Variants in KLHL1 observed in about 807,000 individuals in gnomAD.
KLHL1 encodes kelch like family member 1.
Under a neutral mutation model 77.7 loss-of-function variants are expected in KLHL1, and 47 were observed. The observed-to-expected ratio is 0.60, with a 90% CI of 0.48 to 0.77. The LOEUF (loss-of-function observed/expected upper bound fraction) is 0.77, where lower values mean the gene tolerates loss of function less well. Ranked by LOEUF, KLHL1 falls within the 30% of genes least tolerant of loss-of-function variation. The pLI, the probability that KLHL1 is intolerant of heterozygous loss-of-function variation, is 0.00. For synonymous variants in KLHL1, 360 were observed against 325.2 expected (o/e 1.11, Z -1.15); for missense variants, 925 against 910.8 (o/e 1.02, Z -0.20).
At chr13:69,838,474 T>C (rs1879117504) in intron 6 of KLHL1, among the ~76,000 whole-genome samples, 1 of 151,834 alleles carries the variant, frequency 6.6e-6, no homozygotes, top group African/African-American at 2.4e-5. Context: ...TTTAAACAAA[T>C]AATTTATTTT....
chr13:69,918,002 T>C (rs746583352), intron 4 of KLHL1, among the ~76,000 whole-genome samples: 1 of 152,102 alleles, frequency 6.6e-6, no homozygotes, highest in East Asian at 1.9e-4. Flanking sequence ...GATATTGATA[T>C]GTTGTAAGGC....
chr13:69,737,167 G>A (rs1187683997), intron 8 of KLHL1, among the ~76,000 whole-genome samples: 2 of 152,154 alleles, frequency 1.3e-5, no homozygotes, highest in Non-Finnish European at 2.9e-5. Flanking sequence ...TTTTCCCATG[G>A]ATCCTTGCAA....
At chr13:69,939,389 A>ACACG in intron 4 of KLHL1, among the ~76,000 whole-genome samples, 1 of 137,710 alleles carries the variant, frequency 7.3e-6, no homozygotes, top group Non-Finnish European at 1.6e-5. Flanking sequence ...ACACACACAC[A>ACACG]CGCACACACA....
intron 1 of KLHL1, among the ~76,000 whole-genome samples, chr13:70,084,649 G>A (rs79482954): frequency 6.6e-4 from 10 of 15,196 alleles, no homozygotes; most frequent in Admixed American, 6.3e-4. Context: ...TTTTTTTTTT[G>A]AATTTTTAGT....
At chr13:69,892,010 C>A (rs1169091857) in intron 4 of KLHL1, among the ~76,000 whole-genome samples, 1 of 152,002 alleles carries the variant, frequency 6.6e-6, no homozygotes, top group East Asian at 1.9e-4. Flanking sequence ...AAAGTTTAAA[C>A]ATGCATGTAT....
At chr13:69,750,013 G>A (rs904271148) in intron 7 of KLHL1, among the ~76,000 whole-genome samples, 1 of 151,538 alleles carries the variant, frequency 6.6e-6, no homozygotes, top group Non-Finnish European at 1.5e-5. Context: ...AATTTGAAAA[G>A]CATTAGCCTG....
intron 6 of KLHL1, among the ~76,000 whole-genome samples, chr13:69,834,546 G>A (rs1878904382): frequency 6.6e-6 from 1 of 151,984 alleles, no homozygotes; most frequent in African/African-American, 2.4e-5. Flanking sequence ...ACTTCAAAGT[G>A]AATTTATAAT....
chr13:69,904,597 C>A (rs1881986892), intron 4 of KLHL1, among the ~76,000 whole-genome samples: 1 of 152,168 alleles, frequency 6.6e-6, no homozygotes, highest in East Asian at 1.9e-4. Context: ...ACATGCTATT[C>A]TCACAATTGC....
At chr13:69,948,464 T>G (rs185664745) in intron 3 of KLHL1, among the ~76,000 whole-genome samples, 19 of 152,080 alleles carry the variant, frequency 1.2e-4, no homozygotes, top group Middle Eastern at 3.4e-3. Context: ...CTTATAAAAT[T>G]GGAGTCACCC....
rs1883728492 is a variant in KLHL1 at position 69,952,081 on chromosome 13, T to C, written c.817+9227A>G. Among the ~76,000 whole-genome samples the C allele has an allele frequency of 2.6e-5, 4 of 151,464 alleles. No homozygotes were observed. The Admixed American group carries it at 2.6e-4, about 10-fold the overall frequency. On this transcript the variant is annotated intron_variant, in intron 3 of 10. Transcript: ENST00000377844. ...TTAAATAAATGTAAGCAAGGGGGTT[T>C]GATTACAAGGTTCTAAATATGTTTT...
At chr13:69,706,864 C>T (rs1331346020) in intron 10 of KLHL1, among the ~76,000 whole-genome samples, 1 of 146,306 alleles carries the variant, frequency 6.8e-6, no homozygotes, top group East Asian at 1.9e-4. Context: ...TTGCCCTGGC[C>T]TCATCTTCCC....
In KLHL1 at chr13:69,870,947, G is replaced by A. The variant is rs73508464; in HGVS notation, c.1227+11336C>T. ...GCTTGCAACTCTTCCAGGCTGAGGTGCAAACTGCCAGTGTCTCTATAATTC... is the reference window on the plus strand; with the variant it reads ...GCTTGCAACTCTTCCAGGCTGAGGTACAAACTGCCAGTGTCTCTATAATTC... On this transcript the variant is annotated intron_variant, in intron 5 of 10. Coordinates refer to ENST00000377844, the MANE Select transcript of KLHL1 (RefSeq NM_020866.3). Among the ~76,000 whole-genome samples, 1,362 of 152,160 alleles carry A rather than the reference G, an allele frequency of 9.0e-3. 32 individuals carry two copies. The highest frequency in any genetic ancestry group is 0.031 in the African/African-American group (1,303 of 41,512).
chr13:69,781,513 C>A (rs1314745312), intron 7 of KLHL1, among the ~76,000 whole-genome samples: 1 of 152,042 alleles, frequency 6.6e-6, no homozygotes, highest in Non-Finnish European at 1.5e-5. Context: ...TACTCAAAAG[C>A]CTCATATCCA....
intron 1 of KLHL1, among the ~76,000 whole-genome samples, chr13:70,071,807 A>G (rs1335137678): frequency 2.6e-5 from 4 of 152,106 alleles, no homozygotes; most frequent in African/African-American, 7.2e-5. Context: ...ACCAATCAAT[A>G]TATGTTCAAA....
intron 7 of KLHL1, among the ~76,000 whole-genome samples, chr13:69,788,277 A>ATAGAC (rs1876668390): frequency 1.3e-5 from 2 of 152,250 alleles, no homozygotes; most frequent in South Asian, 2.1e-4. Flanking sequence ...TTCATCAATG[A>ATAGAC]TAGACTGGAT....
intron 1 of KLHL1, among the ~76,000 whole-genome samples, chr13:70,066,515 C>T (rs1020644060): frequency 1.3e-5 from 2 of 152,170 alleles, no homozygotes; most frequent in African/African-American, 4.8e-5. Flanking sequence ...AATTCCTCTT[C>T]AGTGCTACAT....
chr13:69,929,388 T>C (rs1436004728), intron 4 of KLHL1, among the ~76,000 whole-genome samples: 2 of 151,900 alleles, frequency 1.3e-5, no homozygotes, highest in African/African-American at 4.8e-5. Flanking sequence ...ATAATTGAGG[T>C]AAAAATAAGA....
chr13:70,052,745 G>A (rs934773400), intron 1 of KLHL1, among the ~76,000 whole-genome samples: 3 of 151,622 alleles, frequency 2.0e-5, no homozygotes, highest in Non-Finnish European at 2.9e-5. Flanking sequence ...TCTCTCACAT[G>A]CACATACATA....
chr13:69,931,674 T>C (rs1883008436), intron 4 of KLHL1, among the ~76,000 whole-genome samples: 1 of 151,810 alleles, frequency 6.6e-6, no homozygotes, highest in Non-Finnish European at 1.5e-5. Flanking sequence ...CTCAATAGTA[T>C]GGTGATACTT....
Sources: allele counts gnomAD v4.1 joint callset (sites outside exome capture counted in the v4.1 genomes callset), GRCh38; gene constraint gnomAD v4.1.1; transcripts MANE v1.5; gene names NCBI Gene and HGNC (gene_info 2026-07-23, HGNC 2026-07-21).